The following EYS variants were observed in gnomAD, a reference collection of about 807,000 sequenced individuals.
EYS encodes the protein protein eyes shut homolog.
Under a neutral mutation model 282.1 loss-of-function variants are expected in EYS, and 250 were observed. The ratio of observed to expected loss-of-function variants is 0.89; its 90% CI spans 0.80 to 0.98. The LOEUF is 0.98. EYS is among the 50% of genes least tolerant of loss of function. The pLI is 0.00. For synonymous variants in EYS, 1,355 were observed against 1,282.9 expected, an observed-to-expected ratio of 1.06 and a Z score of -1.20; for missense variants, 4,016 against 3,709.0, an observed-to-expected ratio of 1.08 and a Z score of -2.15.
At chr6:65,703,653 A>G (rs1038980523) in intron 1 of EYS, among the ~76,000 whole-genome samples, 7 of 151,888 alleles carry the variant, frequency 4.6e-5, no homozygotes, top group African/African-American at 1.7e-4. Flanking sequence ...CATTGAAGTT[A>G]CAACTCTATG....
At chr6:65,604,406 C>T (rs542901063) in intron 2 of EYS, among the ~76,000 whole-genome samples, 4 of 151,748 alleles carry the variant, frequency 2.6e-5, no homozygotes, top group South Asian at 4.1e-4. Flanking sequence ...AAAATTCACA[C>T]GATTAATTAC....
chr6:64,402,581 A>T (rs1289235445), intron 28 of EYS, among the ~76,000 whole-genome samples: 1 of 152,200 alleles, frequency 6.6e-6, no homozygotes, highest in East Asian at 1.9e-4. Context: ...TTAGGATCAG[A>T]TCATTCGTTT....
At chr6:64,956,382 A>G (rs1323530008) in intron 14 of EYS, among the ~76,000 whole-genome samples, 1 of 152,200 alleles carries the variant, frequency 6.6e-6, no homozygotes, top group African/African-American at 2.4e-5. Context: ...AAAGCTGGAT[A>G]TCCATAGACA....
intron 31 of EYS, among the ~76,000 whole-genome samples, chr6:64,194,752 C>A (rs1443534565): frequency 6.6e-6 from 1 of 151,956 alleles, no homozygotes; most frequent in Non-Finnish European, 1.5e-5. Context: ...AAATATATTG[C>A]TTATTAATTT....
intron 12 of EYS, among the ~76,000 whole-genome samples, chr6:65,291,942 G>A (rs1420011884): frequency 1.3e-5 from 2 of 151,542 alleles, no homozygotes; most frequent in African/African-American, 2.4e-5. Flanking sequence ...AAAGCCCTGA[G>A]CAGATACAAA....
intron 31 of EYS, among the ~76,000 whole-genome samples, chr6:64,151,760 C>T (rs191141832): frequency 9.2e-5 from 14 of 152,148 alleles, no homozygotes; most frequent in African/African-American, 2.9e-4. Flanking sequence ...AAAAGCAAAA[C>T]TGTAGAAGCA....
chr6:64,530,346 A>G (rs1764286002), intron 26 of EYS, among the ~76,000 whole-genome samples: 1 of 152,078 alleles, frequency 6.6e-6, no homozygotes, highest in Admixed American at 6.6e-5. Flanking sequence ...ACTTAAGTCT[A>G]ATAAAATATC....
At chr6:64,375,852 A>G (rs1262747209) in intron 29 of EYS, among the ~76,000 whole-genome samples, 3 of 152,344 alleles carry the variant, frequency 2.0e-5, no homozygotes, top group Middle Eastern at 6.8e-3. Context: ...ATAATACACA[A>G]TCTCAAACAA....
intron 2 of EYS, among the ~76,000 whole-genome samples, chr6:65,575,976 G>A (rs1764651022): frequency 6.6e-6 from 1 of 151,992 alleles, no homozygotes; most frequent in South Asian, 2.1e-4. Flanking sequence ...AAAAGTCCAA[G>A]ACTTGATGGT....
At chr6:65,562,802 G>A (rs983250974) in intron 2 of EYS, among the ~76,000 whole-genome samples, 10 of 152,012 alleles carry the variant, frequency 6.6e-5, no homozygotes, top group African/African-American at 2.4e-5. Flanking sequence ...TTAAAAATGT[G>A]TTGTGATTTT....
At chr6:65,166,630 T>C (rs1357495803) in intron 12 of EYS, among the ~76,000 whole-genome samples, 14 of 151,244 alleles carry the variant, frequency 9.3e-5, no homozygotes, top group African/African-American at 3.4e-4. Flanking sequence ...GAAGCAAATC[T>C]ATGAATACAC....
intron 31 of EYS, among the ~76,000 whole-genome samples, chr6:64,141,964 G>A (rs1774351220): frequency 6.6e-6 from 1 of 152,146 alleles, no homozygotes; most frequent in Non-Finnish European, 1.5e-5. Context: ...GCATGTCAGT[G>A]AAACTACCAA....
At chr6:64,993,618 C>T (rs2150123901) in intron 14 of EYS, among the ~76,000 whole-genome samples, 1 of 148,956 alleles carries the variant, frequency 6.7e-6, no homozygotes, top group Middle Eastern at 3.5e-3. Context: ...GGAGATATAC[C>T]TAATGTTAAA....
intron 18 of EYS, among the ~76,000 whole-genome samples, chr6:64,896,773 G>T (rs184617174): frequency 1.3e-5 from 2 of 152,146 alleles, no homozygotes; most frequent in South Asian, 2.1e-4. Context: ...AGGGAGGGGC[G>T]TCTGCCATTA....
At chr6:64,122,877 AAAT>A (rs1209838752) in intron 31 of EYS, among the ~76,000 whole-genome samples, 1 of 152,134 alleles carries the variant, frequency 6.6e-6, no homozygotes, top group African/African-American at 2.4e-5. Flanking sequence ...TAATAATAAT[AAAT>A]GACCCAGGAT....
rs76030318 is a variant in EYS, at chr6:63,979,804, C to A, written c.7055+4579G>T. Among the ~76,000 whole-genome samples, 416 of 151,960 alleles carry A rather than the reference C, an allele frequency of 2.7e-3. 2 individuals carry two copies. Among genetic ancestry groups the A allele is most frequent in the African/African-American group, 9.5e-3 (393 of 41,490 alleles). Reference sequence around the variant, plus strand: ...ATTTGGACTTCTCTGAAATGAACAACCACAGGGGTTTGAAAATTCTAGTAC... The same window carrying A: ...ATTTGGACTTCTCTGAAATGAACAAACACAGGGGTTTGAAAATTCTAGTAC... On this transcript the variant is annotated intron_variant, in intron 35 of 42. Transcript: ENST00000503581.
chr6:65,465,962 C>T (rs946614745), intron 5 of EYS, among the ~76,000 whole-genome samples: 4 of 144,832 alleles, frequency 2.8e-5, no homozygotes, highest in Non-Finnish European at 6.0e-5. Context: ...AAGAGTAAGA[C>T]CCTGTATCAA....
intron 12 of EYS, among the ~76,000 whole-genome samples, chr6:65,117,563 T>C (rs1365797677): frequency 6.6e-6 from 1 of 152,138 alleles, no homozygotes; most frequent in Non-Finnish European, 1.5e-5. Context: ...CCTCCTCACA[T>C]GAACCACAGC....
chr6:65,310,339 G>A (rs552579626), intron 11 of EYS, among the ~76,000 whole-genome samples: 1 of 152,090 alleles, frequency 6.6e-6, no homozygotes, highest in Admixed American at 6.5e-5. Flanking sequence ...GTGAGACTCT[G>A]TCTAAATCTA....
Sources: gnomAD v4.1 joint callset for allele counts (sites outside exome capture counted in the v4.1 genomes callset) on GRCh38, gnomAD v4.1.1 for gene constraint, MANE v1.5 for transcripts, NCBI Gene and HGNC (gene_info 2026-07-23, HGNC 2026-07-21) for gene names.